ZBBX: variants seen among roughly 807,000 people sequenced by gnomAD.
ZBBX encodes the protein zinc finger B-box domain containing, also known as zinc finger B-box domain-containing protein 1.
ZBBX carries 101 observed loss-of-function variants against 108.5 expected under a neutral mutation model. The ratio of observed to expected loss-of-function variants is 0.93; its 90% CI spans 0.79 to 1.10. The LOEUF (loss-of-function observed/expected upper bound fraction) is 1.10. Ranked by LOEUF, ZBBX falls within the 50% of genes least tolerant of loss-of-function variation. The pLI is 0.00. For synonymous variants in ZBBX, 356 were observed against 323.4 expected (o/e 1.10, Z -1.08); for missense variants, 1,009 against 941.4 (o/e 1.07, Z -0.94).
At chr3:167,215,110 C>T in the ZBBX span, among the ~76,000 whole-genome samples, 5 of 151,746 alleles carry the variant, frequency 3.3e-5, no homozygotes, top group African/African-American at 1.2e-4. Context: ...CCAAAGCTAG[C>T]AGAAGACAAG....
In ZBBX at chr3:167,359,856, T is replaced by C. The variant is rs777264402; in HGVS notation, c.432+14A>G. The C allele has an allele frequency of 1.5e-6, 2 of 1,323,956 alleles. No individual in the cohort carries two copies. Among genetic ancestry groups the C allele is most frequent in the South Asian group, 2.9e-5 (2 of 69,472 alleles). The allele number at this position is 1,323,956 out of a possible 1,614,324, so 82.0% of individuals were successfully genotyped here. A position where few individuals can be genotyped will look rare whatever the true frequency, so the allele number is the denominator to read the frequency against. On this transcript the variant is annotated intron_variant, in intron 8 of 21. Transcript: ENST00000675490. The stretch of plus-strand genomic sequence containing the variant: ...CTATACAGTATATGTATATATACTA[T>C]ATAACGTACATACCAGTAGAGCAGC...
intron 17 of ZBBX, among the ~76,000 whole-genome samples, chr3:167,299,567 T>A (rs1732288231): frequency 6.6e-6 from 1 of 152,154 alleles, no homozygotes; most frequent in Non-Finnish European, 1.5e-5. Flanking sequence ...CTTACAAAGT[T>A]AACTATTGAT....
chr3:167,239,516 G>C (rs1056355295), downstream of ZBBX, among the ~76,000 whole-genome samples: 1 of 151,902 alleles, frequency 6.6e-6, no homozygotes, highest in African/African-American at 2.4e-5. Flanking sequence ...TCTACATAAT[G>C]AATATTAAAT....
chr3:167,384,445 A>G (rs1747843508), upstream of ZBBX, among the ~76,000 whole-genome samples: 1 of 152,086 alleles, frequency 6.6e-6, no homozygotes, highest in Non-Finnish European at 1.5e-5. Flanking sequence ...AGAGCAAGAG[A>G]ATAAATAAGC....
At chr3:167,298,546 G>T in intron 17 of ZBBX, 88 bp from the exon 18 acceptor site, 1 of 1,011,578 alleles carries the variant, frequency 9.9e-7, no homozygotes. Context: ...CTTGGTATCT[G>T]ATATACTTGG....
chr3:167,281,989 C>T (rs1728884755), intron 20 of ZBBX, among the ~76,000 whole-genome samples: 1 of 152,156 alleles, frequency 6.6e-6, no homozygotes, highest in Non-Finnish European at 1.5e-5. Flanking sequence ...ATTATTCATT[C>T]CACAATTTAG....
intron 20 of ZBBX, among the ~76,000 whole-genome samples, chr3:167,276,839 A>G (rs561332044): frequency 2.6e-5 from 4 of 152,304 alleles, no homozygotes; most frequent in African/African-American, 9.6e-5. Context: ...AAGGGCAGCC[A>G]GAGAGAAAGG....
chr3:167,201,957 C>T, the ZBBX span, among the ~76,000 whole-genome samples: 4 of 152,072 alleles, frequency 2.6e-5, no homozygotes, highest in African/African-American at 4.8e-5. Context: ...TTTAAATGAT[C>T]GACATAGTTC....
intron 9 of ZBBX, among the ~76,000 whole-genome samples, chr3:167,342,058 G>A: frequency 6.6e-6 from 1 of 151,566 alleles, no homozygotes; most frequent in South Asian, 2.1e-4. Context: ...GAAATGAAAT[G>A]AATAACATCT....
chr3:167,223,263 C>T, the ZBBX span, among the ~76,000 whole-genome samples: 1 of 151,826 alleles, frequency 6.6e-6, no homozygotes, highest in African/African-American at 2.4e-5. Flanking sequence ...TATTACCCAC[C>T]CATCTTTTAT....
chr3:167,191,896 C>CATATATATATATATATATATAT, the ZBBX span, among the ~76,000 whole-genome samples: 18 of 67,950 alleles, frequency 2.6e-4, no homozygotes, highest in Admixed American at 5.8e-4. Flanking sequence ...TTACAAAAAT[C>CATATATATATATATATATATAT]ATATATATAT....
chr3:167,255,890 A>G (rs1002840152), intron 20 of ZBBX, among the ~76,000 whole-genome samples: 1 of 151,956 alleles, frequency 6.6e-6, no homozygotes, highest in Non-Finnish European at 1.5e-5. Context: ...ATCTGACACT[A>G]AGTCTTATTC....
chr3:167,237,712 C>T (rs954297996), downstream of ZBBX, among the ~76,000 whole-genome samples: 7 of 152,020 alleles, frequency 4.6e-5, no homozygotes, highest in East Asian at 3.9e-4. Context: ...GCCTAGTCTA[C>T]GCTGCCACAG....
At chr3:167,204,210 T>C in the ZBBX span, among the ~76,000 whole-genome samples, 2 of 149,028 alleles carry the variant, frequency 1.3e-5, no homozygotes, top group African/African-American at 4.9e-5. Context: ...TTTTTTTTTT[T>C]TTAATTTTTT....
At chr3:167,373,362 A>T (rs1388659813) in intron 3 of ZBBX, among the ~76,000 whole-genome samples, 2 of 152,156 alleles carry the variant, frequency 1.3e-5, no homozygotes, top group Non-Finnish European at 2.9e-5. Context: ...TCCTGTGGAA[A>T]CCTAGAAATG....
chr3:167,385,188 T>G (rs1747873933), upstream of ZBBX, among the ~76,000 whole-genome samples: 1 of 152,034 alleles, frequency 6.6e-6, no homozygotes, highest in Non-Finnish European at 1.5e-5. Flanking sequence ...AACCTAGATG[T>G]TATACACCTA....
intron 9 of ZBBX, among the ~76,000 whole-genome samples, chr3:167,338,496 T>C (rs982837624): frequency 6.6e-6 from 1 of 151,840 alleles, no homozygotes; most frequent in African/African-American, 2.4e-5. Flanking sequence ...TTAATAATCA[T>C]GTTGACATAG....
downstream of ZBBX, among the ~76,000 whole-genome samples, chr3:167,239,182 C>A (rs1720356669): frequency 6.6e-6 from 1 of 152,052 alleles, no homozygotes; most frequent in Admixed American, 6.6e-5. Flanking sequence ...ATTCCCTCTA[C>A]CTTGGAGGAC....
At chr3:167,217,386 T>G in the ZBBX span, among the ~76,000 whole-genome samples, 6 of 152,138 alleles carry the variant, frequency 3.9e-5, no homozygotes, top group African/African-American at 1.4e-4. Flanking sequence ...CACTGATCAT[T>G]AGAGAAATGC....
Sources: gnomAD v4.1 joint callset for allele counts (sites outside exome capture counted in the v4.1 genomes callset) on GRCh38, gnomAD v4.1.1 for gene constraint, MANE v1.5 for transcripts, NCBI Gene and HGNC (gene_info 2026-07-23, HGNC 2026-07-21) for gene names.